Variants in GALNT16 observed in about 807,000 individuals in gnomAD.
GALNT16 encodes UDP-GalNAc:polypeptide N-acetylgalactosaminyltransferase-like protein 1.
In GALNT16, 40 loss-of-function variants were observed where a neutral mutation model predicts 76.1. That is an observed-to-expected ratio of 0.53 (90% CI 0.41 to 0.68). The LOEUF is 0.68. Among genes scored for constraint, GALNT16 ranks in the 30% least tolerant of loss-of-function variants. GALNT16 has a pLI of 0.00. For missense variants in GALNT16, 621 were observed against 731.9 expected, an observed-to-expected ratio of 0.85 and a Z score of 1.75; for synonymous variants, 276 against 285.2, an observed-to-expected ratio of 0.97 and a Z score of 0.32.
At chr14:69,323,025 G>A (rs1186333695) in intron 2 of GALNT16, among the ~76,000 whole-genome samples, 4 of 146,904 alleles carry the variant, frequency 2.7e-5, no homozygotes, top group South Asian at 2.2e-4. Flanking sequence ...GGGAAGCAAA[G>A]GACGTGCTGG....
intron 4 of GALNT16, 67 bp downstream of exon 4, chr14:69,325,471 A>C: frequency 3.2e-6 from 3 of 946,536 alleles, no homozygotes; most frequent in Non-Finnish European, 3.5e-6. Context: ...CAGAACACCA[A>C]GGCAAGCACC....
chr14:69,338,745 C>A lies in GALNT16; in HGVS notation c.1062C>A (p.Asn354Lys). The A allele has an allele frequency of 6.2e-7, 1 of 1,614,010 alleles. No individual in the cohort carries two copies. Among genetic ancestry groups the A allele is most frequent in the South Asian group, 1.1e-5 (1 of 91,068 alleles). The change falls in exon 10 of 15, where the codon AAC (asparagine) becomes AAA (lysine). Residue 354 changes from asparagine to lysine, a missense_variant. Transcript: ENST00000448469. ...TCTTCAGGAAACGGCACCCCTACAACTTCCCTGAGGGTAATGCCCTCACCT... is the reference window on the plus strand; with the variant it reads ...TCTTCAGGAAACGGCACCCCTACAAATTCCCTGAGGGTAATGCCCTCACCT... The part of the protein sequence containing the change: ...GHVFRKRHPY[N>K]FPEGNALTYI...
At chr14:69,296,805 C>A (rs79769979) in intron 1 of GALNT16, among the ~76,000 whole-genome samples, 2,811 of 146,572 alleles carry the variant, frequency 0.019, 42 homozygotes, top group Middle Eastern at 0.025. Context: ...ACAGATAGAG[C>A]TAGATAGATA....
chr14:69,332,701 C>G (rs975192128), intron 7 of GALNT16: 1 of 174,708 alleles, frequency 5.7e-6, no homozygotes, highest in Non-Finnish European at 1.2e-5. Context: ...CTTGAATTCC[C>G]TTTCTCCAGG....
downstream of GALNT16, chr14:69,358,050 C>G (rs1022071789): frequency 1.3e-5 from 2 of 152,294 alleles, no homozygotes; most frequent in Non-Finnish European, 2.9e-5. Context: ...ACTGTACTTC[C>G]CCAGGAGCCA....
chr14:69,291,989 C>A (rs1296787555), intron 1 of GALNT16, among the ~76,000 whole-genome samples: 1 of 152,220 alleles, frequency 6.6e-6, no homozygotes, highest in South Asian at 2.1e-4. Flanking sequence ...GATACCCCTC[C>A]TGGGCACAGG....
rs1015562677 is a variant in GALNT16, at chr14:69,261,517, C to T, written c.177+1050C>T. 1.3e-5 allele frequency among the ~76,000 whole-genome samples: 2 copies of T among 151,122 alleles called. No individual in the cohort carries two copies. Among genetic ancestry groups the T allele is most frequent in the African/African-American group, 4.9e-5 (2 of 41,012 alleles). The stretch of plus-strand genomic sequence containing the variant: ...CGGATGAGGACCAGGAAGAGGAGAG[C>T]CGAGTGGGGCGGGGGTAAAGGAGTG... On this transcript the variant is annotated intron_variant, in intron 1 of 14. Transcript: ENST00000448469. This position sits in a 1 kb window ranked among gnomAD's most constrained non-coding sequence, Gnocchi z 6.4.
intron 1 of GALNT16, among the ~76,000 whole-genome samples, chr14:69,282,420 C>A (rs1333278909): frequency 6.6e-6 from 1 of 152,172 alleles, no homozygotes; most frequent in East Asian, 1.9e-4. Flanking sequence ...CCTAGAACAC[C>A]CCTAGCTCCT....
chr14:69,294,430 C>G (rs991142023), intron 1 of GALNT16, among the ~76,000 whole-genome samples: 3 of 151,948 alleles, frequency 2.0e-5, no homozygotes, highest in Non-Finnish European at 2.9e-5. Flanking sequence ...CCCCTTTTAC[C>G]TTTTTAAAAA....
the GALNT16 span, chr14:69,380,482 G>C: frequency 8.2e-6 from 8 of 971,330 alleles, no homozygotes; most frequent in Admixed American, 3.4e-5. Flanking sequence ...ACTACAGCAC[G>C]CTGTACACAC....
intron 5 of GALNT16, among the ~76,000 whole-genome samples, chr14:69,326,538 A>G (rs1172703100): frequency 1.3e-5 from 2 of 152,180 alleles, no homozygotes; most frequent in Non-Finnish European, 2.9e-5. Flanking sequence ...GTGGTTGTGT[A>G]TGAATAGCAT....
At position 69,325,376 on chromosome 14, in the gene GALNT16, C is replaced by T. The variant is rs1183206302; in HGVS notation, c.474C>T (p.Ile158=). The T allele has an allele frequency of 6.3e-7, 1 of 1,599,666 alleles. No homozygotes were observed. The highest frequency in any genetic ancestry group is 1.3e-5 in the African/African-American group (1 of 74,586). ...NRTPANLIQE[I]ILVDDFSSDP... ...CTCCTGCCAACTTGATCCAGGAGAT[C>T]ATTTTAGTGGATGACTTCAGCTCAG... is the stretch of plus-strand genomic sequence containing the variant. The change falls in exon 4 of 15, where the codon ATC becomes ATT. Residue 158 remains isoleucine (I), a synonymous_variant. Transcript: ENST00000448469.
intron 1 of GALNT16, among the ~76,000 whole-genome samples, chr14:69,315,939 G>A (rs980558186): frequency 2.0e-5 from 3 of 152,052 alleles, no homozygotes; most frequent in African/African-American, 4.8e-5. Context: ...CATTTTGCAC[G>A]CTTGGCAGTG....
the GALNT16 span, among the ~76,000 whole-genome samples, chr14:69,368,630 C>T: frequency 3.9e-5 from 6 of 152,228 alleles, no homozygotes; most frequent in South Asian, 1.2e-3. Context: ...ATAAGTTCAG[C>T]CTTCCCCTAA....
At position 69,352,490 on chromosome 14, in the gene GALNT16, T is replaced by C. The variant is rs1457699114; in HGVS notation, c.*322T>C. 8 of 252,078 alleles carry C rather than the reference T, an allele frequency of 3.2e-5. No individual in the cohort carries two copies. Among genetic ancestry groups the C allele is most frequent in the Non-Finnish European group, 6.1e-5 (8 of 131,946 alleles). 15.6% of individuals were successfully genotyped at this position (252,078 alleles called of 1,614,324 possible). A position where few individuals can be genotyped will look rare whatever the true frequency, so the allele number is the denominator to read the frequency against. On this transcript the variant is annotated 3_prime_UTR_variant, in exon 15 of 15. Coordinates refer to ENST00000448469, the MANE Select transcript of GALNT16 (RefSeq NM_001168368.2). ...GCGCTTCTTGGGGCTGGGACAATAG[T>C]GTGTGGTCTCTCCCTTGTTGCCCGG... is the stretch of plus-strand genomic sequence containing the variant.
intron 1 of GALNT16, among the ~76,000 whole-genome samples, chr14:69,308,644 A>G (rs2044973705): frequency 6.6e-6 from 1 of 152,234 alleles, no homozygotes; most frequent in South Asian, 2.1e-4. Flanking sequence ...GTTTAATTGT[A>G]GGGCTAATGC....
chr14:69,350,695 TC>T (rs2045624883), intron 14 of GALNT16: 1 of 152,152 alleles, frequency 6.6e-6, no homozygotes, highest in Admixed American at 6.5e-5. Flanking sequence ...CTCATCTCTC[TC>T]CCCTCAGCTG....
At chr14:69,298,724 G>C (rs1033843593) in intron 1 of GALNT16, 22 of 152,360 alleles carry the variant, frequency 1.4e-4, no homozygotes, top group African/African-American at 5.3e-4. Context: ...AGATCTGGGG[G>C]CCTAGTGGGA....
chr14:69,277,203 G>A (rs2140111353), intron 1 of GALNT16, among the ~76,000 whole-genome samples: 1 of 152,248 alleles, frequency 6.6e-6, no homozygotes, highest in South Asian at 2.1e-4. Context: ...AAGACAAAAA[G>A]CCTTTATTAT....
Sources: gnomAD v4.1 joint callset for allele counts (sites outside exome capture counted in the v4.1 genomes callset) on GRCh38, gnomAD v4.1.1 for gene constraint, Gnocchi (gnomAD v3.1) non-coding constraint, MANE v1.5 for transcripts, NCBI Gene and HGNC (gene_info 2026-07-23, HGNC 2026-07-21) for gene names.